Variants in TMEM178B observed in about 807,000 individuals in gnomAD.
TMEM178B encodes transmembrane protein 178B.
In TMEM178B, 5 loss-of-function variants were observed where a neutral mutation model predicts 31.0. The ratio of observed to expected loss-of-function variants is 0.16; its 90% confidence interval spans 0.08 to 0.34. The LOEUF (loss-of-function observed/expected upper bound fraction) is 0.34, where lower values mean the gene tolerates loss of function less well. Ranked by LOEUF, TMEM178B falls within the 10% of genes least tolerant of loss-of-function variation. The probability of loss-of-function intolerance (pLI) is 1.00; values close to 1 mark genes in which losing one functional copy is unlikely to be tolerated. For synonymous variants in TMEM178B, 164 were observed against 164.0 expected (o/e 1.00, Z 0.00); for missense variants, 275 against 400.3 (o/e 0.69, Z 2.67).
the TMEM178B span, among the ~76,000 whole-genome samples, chr7:141,504,071 C>T: frequency 1.3e-5 from 2 of 152,214 alleles, no homozygotes; most frequent in East Asian, 3.8e-4. Flanking sequence ...ACTGGAGCCT[C>T]TGATTAAATC....
intron 1 of TMEM178B, among the ~76,000 whole-genome samples, chr7:141,165,844 T>G (rs1796251815): frequency 6.6e-6 from 1 of 152,230 alleles, no homozygotes; most frequent in African/African-American, 2.4e-5. Flanking sequence ...AAAAATGGGA[T>G]AATCACTGTG....
At chr7:141,345,620 G>T (rs1277749535) in intron 2 of TMEM178B, among the ~76,000 whole-genome samples, 1 of 152,152 alleles carries the variant, frequency 6.6e-6, no homozygotes, top group Admixed American at 6.5e-5. Context: ...CCTGCAATGG[G>T]CTTGGTACAG....
chr7:141,394,802 A>C (rs542550829), intron 2 of TMEM178B, among the ~76,000 whole-genome samples: 4 of 152,256 alleles, frequency 2.6e-5, no homozygotes, highest in African/African-American at 9.6e-5. Flanking sequence ...GAGGAATGAC[A>C]TAAACAGTTC....
intron 2 of TMEM178B, among the ~76,000 whole-genome samples, chr7:141,398,972 C>T (rs994909139): frequency 1.3e-5 from 2 of 152,194 alleles, no homozygotes; most frequent in Admixed American, 6.5e-5. Context: ...GAAAATACGC[C>T]GTCTCCCCAG....
At chr7:141,504,764 G>GTCTGACGCTTTT in the TMEM178B span, among the ~76,000 whole-genome samples, 3 of 152,192 alleles carry the variant, frequency 2.0e-5, no homozygotes, top group South Asian at 6.2e-4. Flanking sequence ...TAGTGGTGAA[G>GTCTGACGCTTTT]TCTGACGCTT....
At chr7:141,291,635 C>T (rs955169483) in intron 2 of TMEM178B, among the ~76,000 whole-genome samples, 2 of 152,158 alleles carry the variant, frequency 1.3e-5, no homozygotes, top group Non-Finnish European at 2.9e-5. Flanking sequence ...CTTACTCCTT[C>T]CCCATCCACC....
At chr7:141,230,191 T>A (rs541638382) in intron 2 of TMEM178B, among the ~76,000 whole-genome samples, 1 of 152,328 alleles carries the variant, frequency 6.6e-6, no homozygotes, top group East Asian at 1.9e-4. Context: ...AAATCTTTGA[T>A]CATATTTCTG....
intron 2 of TMEM178B, among the ~76,000 whole-genome samples, chr7:141,423,478 T>C (rs1395265510): frequency 6.6e-6 from 1 of 152,178 alleles, no homozygotes; most frequent in Non-Finnish European, 1.5e-5. Flanking sequence ...CTGTATCAAT[T>C]CAAGTGCTCT....
At chr7:141,209,820 A>C (rs1797026041) in intron 1 of TMEM178B, among the ~76,000 whole-genome samples, 1 of 152,132 alleles carries the variant, frequency 6.6e-6, no homozygotes, top group East Asian at 1.9e-4. Flanking sequence ...TAAGGGAAAG[A>C]AAGGCAGGAA....
chr7:141,327,284 G>A (rs1428609288), intron 2 of TMEM178B, among the ~76,000 whole-genome samples: 2 of 152,152 alleles, frequency 1.3e-5, no homozygotes, highest in African/African-American at 2.4e-5. Flanking sequence ...AGTGTAGAAA[G>A]AGCTCAAATC....
At chr7:141,080,716 C>T (rs747064215) in intron 1 of TMEM178B, among the ~76,000 whole-genome samples, 6 of 152,116 alleles carry the variant, frequency 3.9e-5, no homozygotes, top group South Asian at 4.1e-4. Context: ...CCTTACGAAG[C>T]GCAAAGGGGA....
At position 141,216,833 on chromosome 7, in the gene TMEM178B, G is replaced by A. The variant is rs570256191; in HGVS notation, c.496+4129G>A. On this transcript the variant is annotated intron_variant, in intron 2 of 3. Transcript: ENST00000565468. Reference sequence around the variant, plus strand: ...CCCTGGGTGGGCTGTGGTGTGGTGCGGTGCCCTGGGGTGCAGTGCAAAGCG... The same window carrying A: ...CCCTGGGTGGGCTGTGGTGTGGTGCAGTGCCCTGGGGTGCAGTGCAAAGCG... Among the ~76,000 whole-genome samples the A allele has an allele frequency of 1.3e-4, 20 of 152,072 alleles. No homozygotes were observed. In the East Asian group the frequency reaches 1.7e-3, roughly 13 times the overall value.
intron 2 of TMEM178B, among the ~76,000 whole-genome samples, chr7:141,270,877 T>C (rs1035821333): frequency 2.6e-5 from 4 of 152,194 alleles, no homozygotes; most frequent in Non-Finnish European, 4.4e-5. Context: ...AGTCAGCCTC[T>C]TTTGTCTCTC....
chr7:141,164,459 C>T (rs1342659741), intron 1 of TMEM178B, among the ~76,000 whole-genome samples: 2 of 152,154 alleles, frequency 1.3e-5, no homozygotes, highest in Non-Finnish European at 2.9e-5. Flanking sequence ...TGGACTGGGA[C>T]AGGACTTGGG....
At chr7:141,260,790 A>C (rs968625705) in intron 2 of TMEM178B, among the ~76,000 whole-genome samples, 1 of 152,236 alleles carries the variant, frequency 6.6e-6, no homozygotes, top group East Asian at 1.9e-4. Flanking sequence ...TTCACAAAAA[A>C]TATTCTTTTT....
At position 141,410,044 on chromosome 7, in the gene TMEM178B, C is replaced by G. The variant is rs740639; in HGVS notation, c.497-27564C>G. Among the ~76,000 whole-genome samples the G allele has an allele frequency of 6.3e-3, 965 of 152,338 alleles. 4 individuals are homozygous for G. The highest frequency in any genetic ancestry group is 0.01 in the Middle Eastern group (3 of 294). ...GCCATGGGCCGCCTGTCTCCTCCAC[C>G]TCCACCTGCCTTGCACATCCTTGCT... is the stretch of plus-strand genomic sequence containing the variant. On this transcript the variant is annotated intron_variant, in intron 2 of 3. Coordinates refer to ENST00000565468, the MANE Select transcript of TMEM178B (RefSeq NM_001195278.2).
intron 1 of TMEM178B, among the ~76,000 whole-genome samples, chr7:141,211,035 G>A (rs1014481257): frequency 2.0e-5 from 3 of 152,172 alleles, no homozygotes; most frequent in Non-Finnish European, 2.9e-5. Context: ...AAATTAGAGC[G>A]TGTGGGGTTG....
At chr7:141,457,266 G>A (rs1264131426) in intron 3 of TMEM178B, among the ~76,000 whole-genome samples, 7 of 152,152 alleles carry the variant, frequency 4.6e-5, no homozygotes, top group Non-Finnish European at 8.8e-5. Flanking sequence ...ACTGTCACAT[G>A]CTTTGAGACC....
chr7:141,306,071 T>C (rs1798811025), intron 2 of TMEM178B, among the ~76,000 whole-genome samples: 1 of 152,210 alleles, frequency 6.6e-6, no homozygotes, highest in East Asian at 1.9e-4. Context: ...TTATACATAG[T>C]AGATGCTAGA....
Sources: gnomAD v4.1 joint callset for allele counts (sites outside exome capture counted in the v4.1 genomes callset) on GRCh38, gnomAD v4.1.1 for gene constraint, MANE v1.5 for transcripts, NCBI Gene and HGNC (gene_info 2026-07-23, HGNC 2026-07-21) for gene names.